The following CHST11 variants were observed in gnomAD, a reference collection of about 807,000 sequenced individuals.
CHST11 encodes carbohydrate sulfotransferase 11.
A neutral mutation model predicts 30.4 loss-of-function variants in CHST11; 9 were observed. The observed-to-expected ratio is 0.30, with a 90% confidence interval of 0.18 to 0.52. The LOEUF (loss-of-function observed/expected upper bound fraction) is 0.52. CHST11 is among the 20% of genes least tolerant of loss of function. CHST11 has a pLI of 0.97. For missense variants in CHST11, 348 were observed against 460.6 expected, an observed-to-expected ratio of 0.76 and a Z score of 2.24; for synonymous variants, 152 against 187.8, an observed-to-expected ratio of 0.81 and a Z score of 1.56.
chr12:104,711,882 C>T (rs1353459049), intron 2 of CHST11, among the ~76,000 whole-genome samples: 3 of 152,130 alleles, frequency 2.0e-5, no homozygotes, highest in Non-Finnish European at 2.9e-5. Flanking sequence ...GCAGAAGAAG[C>T]TTCCGGGAGG....
intron 1 of CHST11, among the ~76,000 whole-genome samples, chr12:104,593,225 G>A (rs1327213076): frequency 1.3e-5 from 2 of 152,180 alleles, no homozygotes; most frequent in Admixed American, 6.5e-5. Context: ...GCCAACACGG[G>A]AATGGCTATG....
intron 1 of CHST11, among the ~76,000 whole-genome samples, chr12:104,497,370 G>A (rs2037808616): frequency 6.6e-6 from 1 of 152,222 alleles, no homozygotes; most frequent in Admixed American, 6.5e-5. Context: ...GACACGGCAA[G>A]ATGGTGGCCG....
intron 2 of CHST11, among the ~76,000 whole-genome samples, chr12:104,644,083 G>A (rs1470665211): frequency 6.6e-6 from 1 of 152,124 alleles, no homozygotes; most frequent in Non-Finnish European, 1.5e-5. Context: ...TTGTGGATTG[G>A]CTCACGGGAT....
At chr12:104,572,692 G>A (rs979831084) in intron 1 of CHST11, among the ~76,000 whole-genome samples, 9 of 151,918 alleles carry the variant, frequency 5.9e-5, no homozygotes, top group Admixed American at 5.9e-4. Context: ...ATCTTTTGAA[G>A]GTTTTTTTGT....
intron 2 of CHST11, among the ~76,000 whole-genome samples, chr12:104,695,092 G>A (rs1176568737): frequency 6.6e-6 from 1 of 152,160 alleles, no homozygotes; most frequent in Non-Finnish European, 1.5e-5. Context: ...TCAGATCCTG[G>A]CATCATCATT....
intron 2 of CHST11, among the ~76,000 whole-genome samples, chr12:104,684,448 G>A (rs2039827057): frequency 1.3e-5 from 2 of 152,198 alleles, no homozygotes; most frequent in African/African-American, 4.8e-5. Flanking sequence ...TCTGTAAAAA[G>A]GGGATGGTAC....
rs2039505914 is a variant in CHST11 at position 104,652,868 on chromosome 12, TG to T, written c.204+50878del. 4.6e-5 allele frequency among the ~76,000 whole-genome samples: 7 copies of T among 152,134 alleles called. 1 individual carries two copies. The South Asian group carries it at 1.5e-3, about 32-fold the overall frequency. ...TGGCCAGCGAAGAGGGAGGCTGCCC[TG>T]CTTGGCCTCTGCTCCCTACACGCTC... On this transcript the variant is annotated intron_variant, in intron 2 of 2. Coordinates refer to ENST00000303694, the MANE Select transcript of CHST11 (RefSeq NM_018413.6).
intron 2 of CHST11, among the ~76,000 whole-genome samples, chr12:104,682,476 G>T (rs1305275033): frequency 6.6e-6 from 1 of 152,218 alleles, no homozygotes; most frequent in Non-Finnish European, 1.5e-5. Context: ...TATTTTAGTT[G>T]TGTCCTTGGT....
At chr12:104,590,643 G>A (rs11112116) in intron 1 of CHST11, among the ~76,000 whole-genome samples, 63 of 152,290 alleles carry the variant, frequency 4.1e-4, no homozygotes, top group Non-Finnish European at 7.6e-4. Context: ...TATGGCAGGC[G>A]GGGCGCAGTG....
intron 2 of CHST11, among the ~76,000 whole-genome samples, chr12:104,658,952 C>T (rs2039571753): frequency 6.6e-6 from 1 of 152,260 alleles, no homozygotes; most frequent in Admixed American, 6.5e-5. Flanking sequence ...GATTTGAACC[C>T]AGGCAGTCTG....
chr12:104,721,169 C>T (rs745510527), intron 2 of CHST11, among the ~76,000 whole-genome samples: 1 of 152,194 alleles, frequency 6.6e-6, no homozygotes, highest in East Asian at 1.9e-4. Flanking sequence ...GGGCCTGGCC[C>T]CATCCCCATC....
intron 2 of CHST11, among the ~76,000 whole-genome samples, chr12:104,740,933 T>C (rs910008954): frequency 2.6e-5 from 4 of 152,224 alleles, no homozygotes; most frequent in Non-Finnish European, 2.9e-5. Flanking sequence ...TTCACTATGA[T>C]TGAGAATGGG....
intron 1 of CHST11, among the ~76,000 whole-genome samples, chr12:104,474,139 T>C (rs943715403): frequency 6.6e-6 from 1 of 152,226 alleles, no homozygotes; most frequent in African/African-American, 2.4e-5. Context: ...GAGGTAGTAC[T>C]TATTATTGGA....
chr12:104,515,274 A>G (rs1187574666), intron 1 of CHST11, among the ~76,000 whole-genome samples: 2 of 152,224 alleles, frequency 1.3e-5, no homozygotes, highest in Non-Finnish European at 2.9e-5. Context: ...CGATAATGGC[A>G]GAGTTGAATA....
At chr12:104,634,643 G>T (rs1250232022) in intron 2 of CHST11, among the ~76,000 whole-genome samples, 3 of 152,156 alleles carry the variant, frequency 2.0e-5, no homozygotes, top group Admixed American at 6.5e-5. Flanking sequence ...ATATATACTG[G>T]CTGGGTGATC....
intron 2 of CHST11, among the ~76,000 whole-genome samples, chr12:104,629,693 G>A (rs986476884): frequency 4.6e-5 from 7 of 152,230 alleles, no homozygotes; most frequent in South Asian, 2.1e-4. Flanking sequence ...GTGGTGGCAC[G>A]CACCTGTAAT....
At chr12:104,573,576 C>A (rs909990530) in intron 1 of CHST11, among the ~76,000 whole-genome samples, 2 of 152,190 alleles carry the variant, frequency 1.3e-5, no homozygotes, top group African/African-American at 4.8e-5. Context: ...ACTATCTGAT[C>A]TTTGACAAAC....
chr12:104,745,299 A>G (rs1331121880), intron 2 of CHST11, among the ~76,000 whole-genome samples: 1 of 152,104 alleles, frequency 6.6e-6, no homozygotes, highest in East Asian at 1.9e-4. Context: ...CCATTGGTCT[A>G]TGTGTCTGTT....
At chr12:104,665,044 A>G (rs2039630214) in intron 2 of CHST11, among the ~76,000 whole-genome samples, 1 of 152,236 alleles carries the variant, frequency 6.6e-6, no homozygotes, top group South Asian at 2.1e-4. Flanking sequence ...TTGTGCTAGC[A>G]GACTCAGGGG....
Sources: gnomAD v4.1 joint callset for allele counts (sites outside exome capture counted in the v4.1 genomes callset) on GRCh38, gnomAD v4.1.1 for gene constraint, MANE v1.5 for transcripts, NCBI Gene and HGNC (gene_info 2026-07-23, HGNC 2026-07-21) for gene names.